PIWIL3: variants seen among roughly 807,000 people sequenced by gnomAD.
The protein encoded by PIWIL3 is piwi like RNA-mediated gene silencing 3.
A neutral mutation model predicts 109.7 loss-of-function variants in PIWIL3; 101 were observed. The ratio of observed to expected loss-of-function variants is 0.92; its 90% confidence interval spans 0.78 to 1.09. The LOEUF (loss-of-function observed/expected upper bound fraction) is 1.09. PIWIL3 is among the 50% of genes least tolerant of loss of function. The pLI, the probability that PIWIL3 is intolerant of heterozygous loss-of-function variation, is 0.00. For synonymous variants in PIWIL3, 373 were observed against 376.4 expected (o/e 0.99, Z 0.10); for missense variants, 1,031 against 1,072.6 (o/e 0.96, Z 0.54).
chr22:24,737,619 G>A (rs942280022), intron 12 of PIWIL3, among the ~76,000 whole-genome samples: 1 of 152,172 alleles, frequency 6.6e-6, no homozygotes, highest in Non-Finnish European at 1.5e-5. Context: ...CAGCCACAGT[G>A]GGGTAGAGCA....
rs573639682 is a variant in PIWIL3, at chr22:24,759,779, C to T, written c.223+90G>A. ...CCATCCCACCAAACCTCACGGGAGT[C>T]CTGAGGCTATCTAGAACCTTCTACC... On this transcript the variant is annotated intron_variant, in intron 3 of 20. Coordinates refer to ENST00000616349, the MANE Select transcript of PIWIL3 (RefSeq NM_001255975.1). 28 of 1,578,328 alleles carry T rather than the reference C, an allele frequency of 1.8e-5. No individual in the cohort carries two copies. In the African/African-American group the frequency reaches 3.2e-4, roughly 18 times the overall value.
intron 1 of PIWIL3, among the ~76,000 whole-genome samples, chr22:24,771,016 G>A (rs561367156): frequency 3.8e-4 from 57 of 151,862 alleles, no homozygotes; most frequent in African/African-American, 1.4e-3. Flanking sequence ...AATAGCCACC[G>A]GGAGAAGACA....
chr22:24,723,967 C>T (rs1319426958), intron 18 of PIWIL3, among the ~76,000 whole-genome samples: 1 of 152,138 alleles, frequency 6.6e-6, no homozygotes, highest in Non-Finnish European at 1.5e-5. Flanking sequence ...CGTGAGCCAC[C>T]ACGCCAGGCC....
chr22:24,761,623 A>G (rs1422042368), intron 2 of PIWIL3, among the ~76,000 whole-genome samples: 2 of 152,194 alleles, frequency 1.3e-5, no homozygotes, highest in African/African-American at 2.4e-5. Flanking sequence ...TAAGGGGCTA[A>G]GTAGAGATAT....
intron 12 of PIWIL3, among the ~76,000 whole-genome samples, chr22:24,737,385 A>AG (rs1923721330): frequency 6.6e-6 from 1 of 152,150 alleles, no homozygotes; most frequent in South Asian, 2.1e-4. Flanking sequence ...CAGCCCAGGC[A>AG]GGTTTCATCA....
At chr22:24,767,640 T>G (rs1295620230) in intron 1 of PIWIL3, among the ~76,000 whole-genome samples, 2 of 151,072 alleles carry the variant, frequency 1.3e-5, no homozygotes, top group Non-Finnish European at 2.9e-5. Context: ...AGGTGTAACA[T>G]GCATAATGGG....
At chr22:24,731,438 G>A (rs1055133122) in intron 14 of PIWIL3, among the ~76,000 whole-genome samples, 2 of 151,760 alleles carry the variant, frequency 1.3e-5, no homozygotes, top group African/African-American at 4.8e-5. Context: ...AGATCACAAG[G>A]TCAGGAGATT....
intron 1 of PIWIL3, among the ~76,000 whole-genome samples, chr22:24,764,439 C>T (rs943689627): frequency 6.6e-6 from 1 of 152,140 alleles, no homozygotes; most frequent in Non-Finnish European, 1.5e-5. Flanking sequence ...CTGCTATGAC[C>T]GTCCTTGGAT....
intron 12 of PIWIL3, among the ~76,000 whole-genome samples, chr22:24,740,995 A>G (rs945790449): frequency 3.3e-5 from 5 of 152,018 alleles, no homozygotes; most frequent in African/African-American, 1.2e-4. Context: ...GTGAACATAG[A>G]TGTAAAAATT....
chr22:24,755,343 G>T (rs1246308729), intron 6 of PIWIL3, among the ~76,000 whole-genome samples: 1 of 152,076 alleles, frequency 6.6e-6, no homozygotes, highest in Non-Finnish European at 1.5e-5. Flanking sequence ...AGCTGGTCTG[G>T]AACTCCTAAC....
intron 1 of PIWIL3, among the ~76,000 whole-genome samples, chr22:24,768,319 A>G (rs1478219037): frequency 3.3e-5 from 5 of 151,540 alleles, no homozygotes; most frequent in South Asian, 2.1e-4. Flanking sequence ...CAGTGACACA[A>G]TCTCGGCTCA....
intron 1 of PIWIL3, among the ~76,000 whole-genome samples, chr22:24,765,081 T>C (rs1396786190): frequency 6.6e-6 from 1 of 152,188 alleles, no homozygotes; most frequent in African/African-American, 2.4e-5. Context: ...ATCAAAATTC[T>C]AGCTGTATGA....
Position 24,719,747 on chromosome 22 carries a change from C to A in PIWIL3, c.2505+1G>T. 6.2e-7 allele frequency: 1 copy of A among 1,610,050 alleles called. No homozygotes were observed. ...AGAAAAAAGTAACAAAAAGTACTTA[C>A]TGGCAAATTATAATACATGTGGCAT... On this transcript the variant is annotated splice_donor_variant, in intron 20 of 20. Transcript: ENST00000616349. LOFTEE classifies it high-confidence loss of function.
At chr22:24,722,566 T>C (rs974625730) in intron 19 of PIWIL3, among the ~76,000 whole-genome samples, 2 of 151,864 alleles carry the variant, frequency 1.3e-5, no homozygotes, top group Non-Finnish European at 2.9e-5. Context: ...TACAAAAAAT[T>C]AGCTGACATG....
At chr22:24,757,840 A>G in intron 4 of PIWIL3, 68 bp downstream of exon 4, 1 of 1,397,508 alleles carries the variant, frequency 7.2e-7, no homozygotes, top group Non-Finnish European at 9.5e-7. Context: ...CTTGTCTCTC[A>G]ATGAAAAAAA....
chr22:24,719,586 G>A lies in PIWIL3; in HGVS notation c.2508C>T (p.Gly836=), dbSNP rs776218368. ...CLCHMYYNLP[G]IIRVPAPCHY... ...GGCAAGGCGCTGGAACTCGGATGAT[G>A]CCCTTTAGTAGGAAAAGAAAATACA... Residue 836 remains glycine, a splice_region_variant and synonymous_variant, in exon 21 of 21, where the codon GGC becomes GGT. Transcript: ENST00000616349. 3 of 1,584,538 alleles carry A rather than the reference G, an allele frequency of 1.9e-6. No homozygotes were observed. The South Asian group carries it at 3.5e-5, about 18-fold the overall frequency.
In PIWIL3 at chr22:24,754,182, GAAGT is replaced by G; in HGVS notation, c.805_808del (p.Thr269LeufsTer15). 6.2e-7 allele frequency: 1 copy of G among 1,614,028 alleles called. No individual in the cohort carries two copies. Among genetic ancestry groups the G allele is most frequent in the South Asian group, 1.1e-5 (1 of 91,070 alleles). Reference sequence around the variant, plus strand: ...AATGCTGTTTTCGTATTGAAGAACAGAAGTAACATAACCAAGCCAGATTTCCAAA... The same window carrying G: ...AATGCTGTTTTCGTATTGAAGAACAGAACATAACCAAGCCAGATTTCCAAA... On this transcript the variant is annotated frameshift_variant, in exon 8 of 21. Transcript: ENST00000616349. LOFTEE classifies it high-confidence loss of function.
chr22:24,759,773 G>T, intron 3 of PIWIL3, 96 bp downstream of exon 3: 2 of 1,554,960 alleles, frequency 1.3e-6, no homozygotes, highest in Non-Finnish European at 1.8e-6. Flanking sequence ...CAAACCTCAC[G>T]GGAGTCCTGA....
chr22:24,744,178 T>TTA (rs1924180538), intron 12 of PIWIL3, among the ~76,000 whole-genome samples: 1,046 of 34,352 alleles, frequency 0.03, 218 homozygotes, highest in East Asian at 0.049. Context: ...GTGACCGAAT[T>TTA]AAAAAAAAAA....
Sources: gnomAD v4.1 joint callset for allele counts (sites outside exome capture counted in the v4.1 genomes callset) on GRCh38, gnomAD v4.1.1 for gene constraint, MANE v1.5 for transcripts, NCBI Gene and HGNC (gene_info 2026-07-23, HGNC 2026-07-21) for gene names.